MANSC1: variants seen among roughly 807,000 people sequenced by gnomAD.
The protein encoded by MANSC1 is MANSC domain containing 1.
Under a neutral mutation model 14.1 loss-of-function variants are expected in MANSC1, and 13 were observed. The observed-to-expected ratio is 0.92, with a 90% CI of 0.60 to 1.46. The LOEUF is 1.46. MANSC1 is among the 40% of genes most tolerant of loss of function. The pLI is 0.00. For synonymous variants in MANSC1, 227 were observed against 200.7 expected (o/e 1.13, Z -1.11); for missense variants, 486 against 511.4 (o/e 0.95, Z 0.48).
At chr12:12,338,746 C>G in intron 2 of MANSC1, 186 bp from the exon 3 acceptor site, 1 of 616,926 alleles carries the variant, frequency 1.6e-6, no homozygotes, top group South Asian at 2.2e-5. Flanking sequence ...TTTTAAAAAA[C>G]ATTGGGTTTA....
At chr12:12,346,819 G>C (rs1863015251) in intron 1 of MANSC1, among the ~76,000 whole-genome samples, 1 of 152,126 alleles carries the variant, frequency 6.6e-6, no homozygotes, top group African/African-American at 2.4e-5. Context: ...TAGGTGATGA[G>C]TTTTTAAATA....
chr12:12,334,563 G>A (rs1231054511), intron 3 of MANSC1, among the ~76,000 whole-genome samples: 1 of 152,034 alleles, frequency 6.6e-6, no homozygotes, highest in Non-Finnish European at 1.5e-5. Context: ...CCTGCTCAGG[G>A]GCCGGCAACG....
intron 2 of MANSC1, among the ~76,000 whole-genome samples, chr12:12,339,926 C>A (rs1306844517): frequency 1.3e-5 from 2 of 152,142 alleles, no homozygotes; most frequent in Non-Finnish European, 2.9e-5. Context: ...AATCCTCCCA[C>A]CTCAGCCTCC....
chr12:12,335,879 C>T (rs995212027), intron 3 of MANSC1, among the ~76,000 whole-genome samples: 5 of 151,714 alleles, frequency 3.3e-5, no homozygotes, highest in Non-Finnish European at 7.4e-5. Context: ...AACAGCTTCC[C>T]ACCACACACC....
chr12:12,338,793 G>A, intron 2 of MANSC1: 1 of 566,554 alleles, frequency 1.8e-6, no homozygotes, highest in East Asian at 3.2e-5. Context: ...CGAAGGCGAA[G>A]AAGGAAGCTC....
intron 1 of MANSC1, among the ~76,000 whole-genome samples, chr12:12,346,265 C>A (rs536242904): frequency 6.1e-4 from 91 of 148,266 alleles, no homozygotes; most frequent in African/African-American, 2.0e-3. Flanking sequence ...AGCGAGACTC[C>A]GTCTCAAAAA....
At chr12:12,334,214 C>T (rs927226460) in intron 3 of MANSC1, among the ~76,000 whole-genome samples, 6 of 150,128 alleles carry the variant, frequency 4.0e-5, no homozygotes, top group Admixed American at 1.3e-4. Flanking sequence ...ATGATCGCGC[C>T]GCTGCAGTGA....
At chr12:12,334,257 C>T (rs987689776) in intron 3 of MANSC1, among the ~76,000 whole-genome samples, 4 of 142,486 alleles carry the variant, frequency 2.8e-5, no homozygotes, top group East Asian at 2.0e-4. Flanking sequence ...GCAGCCTGGG[C>T]AACAGAGTGA....
At chr12:12,331,004 C>T (rs762031994) in intron 3 of MANSC1, 46 bp from the exon 4 acceptor site, 7 of 1,173,474 alleles carry the variant, frequency 6.0e-6, no homozygotes, top group Non-Finnish European at 8.5e-6. Flanking sequence ...TAACTCCATG[C>T]TACGGTAGGT....
rs968467799 is a variant in MANSC1 at position 12,329,905 on chromosome 12, C to T, written c.*122G>A. The T allele has an allele frequency of 8.9e-6, 7 of 787,492 alleles. No individual in the cohort carries two copies. The highest frequency in any genetic ancestry group is 3.7e-4 in the Middle Eastern group (1 of 2,676). The allele number at this position is 787,492 out of a possible 1,614,324, so 48.8% of individuals were successfully genotyped here. Reference sequence around the variant, plus strand: ...TGTCTCCAAAAAAAAAAAAGGAAAGCAGAAGGGGGCATTTTCCTGTCTTCA... The same window carrying T: ...TGTCTCCAAAAAAAAAAAAGGAAAGTAGAAGGGGGCATTTTCCTGTCTTCA... On this transcript the variant is annotated 3_prime_UTR_variant, in exon 4 of 4. Coordinates refer to ENST00000535902, the MANE Select transcript of MANSC1 (RefSeq NM_018050.4).
intron 3 of MANSC1, among the ~76,000 whole-genome samples, chr12:12,335,349 T>C (rs1862844519): frequency 6.6e-6 from 1 of 151,130 alleles, no homozygotes; most frequent in African/African-American, 2.4e-5. Flanking sequence ...CTTTTTTTTT[T>C]CTTCTCCCCG....
chr12:12,331,418 G>C (rs1481095210), intron 3 of MANSC1, among the ~76,000 whole-genome samples: 1 of 152,170 alleles, frequency 6.6e-6, no homozygotes, highest in East Asian at 1.9e-4. Flanking sequence ...GGCAGCAAGA[G>C]GCTTACAAAG....
chr12:12,347,896 T>TA (rs34822040), intron 1 of MANSC1, among the ~76,000 whole-genome samples: 35,528 of 150,658 alleles, frequency 0.24, 4,844 homozygotes, highest in Middle Eastern at 0.31. Context: ...CCATCTCTAC[T>TA]AAAAAAAAAT....
intron 1 of MANSC1, among the ~76,000 whole-genome samples, chr12:12,348,412 G>A (rs1295396278): frequency 6.6e-6 from 1 of 152,098 alleles, no homozygotes; most frequent in Admixed American, 6.6e-5. Context: ...AAGACATGGA[G>A]GAATCTTAAC....
Position 12,329,991 on chromosome 12 carries a change from G to GCAATTTGCATTTGCATTTAGTAATTCA in MANSC1, c.*35_*36insTGAATTACTAAATGCAAATGCAAATTG, listed in dbSNP as rs745688451. On this transcript the variant is annotated 3_prime_UTR_variant, in exon 4 of 4. Coordinates refer to ENST00000535902, the MANE Select transcript of MANSC1 (RefSeq NM_018050.4). ...GAAACTCATTGCATTTGGGCTTCTG[G>GCAATTTGCATTTGCATTTAGTAATTCA]TTACTAAATGAATTAAGAGACACCG... is the stretch of plus-strand genomic sequence containing the variant. 1 of 1,561,026 alleles carries GCAATTTGCATTTGCATTTAGTAATTCA rather than the reference G, an allele frequency of 6.4e-7. No individual in the cohort carries two copies. The highest frequency in any genetic ancestry group is 1.2e-5 in the South Asian group (1 of 86,164).
At chr12:12,341,913 A>T (rs958395711) in intron 2 of MANSC1, among the ~76,000 whole-genome samples, 3 of 152,200 alleles carry the variant, frequency 2.0e-5, no homozygotes, top group Non-Finnish European at 4.4e-5. Context: ...AATCACTTGA[A>T]CCTGGGAGGC....
In MANSC1 at chr12:12,327,359, G is replaced by A. The variant is rs77401656; in HGVS notation, c.*2668C>T. On this transcript the variant is annotated 3_prime_UTR_variant, in exon 4 of 4. Transcript: ENST00000535902. ...GCCACAGTTGCACCCACCATCCTAGGGGCAGTAAGTAGAGAGAGCTGTGTG... is the reference window on the plus strand; with the variant it reads ...GCCACAGTTGCACCCACCATCCTAGAGGCAGTAAGTAGAGAGAGCTGTGTG... The A allele has an allele frequency of 0.076, 11,642 of 152,196 alleles. 480 individuals are homozygous for A. The highest frequency in any genetic ancestry group is 0.12 in the South Asian group (590 of 4,810). The allele number at this position is 152,196 out of a possible 1,614,324, so 9.4% of individuals were successfully genotyped here. A position where few individuals can be genotyped will look rare whatever the true frequency, so the allele number is the denominator to read the frequency against.
chr12:12,337,338 A>G (rs1216990349), intron 3 of MANSC1, among the ~76,000 whole-genome samples: 1 of 151,830 alleles, frequency 6.6e-6, no homozygotes, highest in Non-Finnish European at 1.5e-5. Context: ...CAGGCGGATC[A>G]CGAGGTCAGG....
At chr12:12,337,082 C>A (rs778654342) in intron 3 of MANSC1, among the ~76,000 whole-genome samples, 17 of 149,950 alleles carry the variant, frequency 1.1e-4, no homozygotes, top group Non-Finnish European at 2.5e-4. Context: ...CCAGCCTGGC[C>A]CACATGGTGA....
Sources: allele counts gnomAD v4.1 joint callset (sites outside exome capture counted in the v4.1 genomes callset), GRCh38; gene constraint gnomAD v4.1.1; transcripts MANE v1.5; gene names NCBI Gene and HGNC (gene_info 2026-07-23, HGNC 2026-07-21).